The following DCAF6 variants were observed in gnomAD, a reference collection of about 807,000 sequenced individuals.
DCAF6 encodes the protein DDB1- and CUL4-associated factor 6.
In DCAF6, 54 loss-of-function variants were observed where a neutral mutation model predicts 125.1. That is an observed-to-expected ratio of 0.43 (90% CI 0.35 to 0.54). The LOEUF is 0.54. Ranked by LOEUF, DCAF6 falls within the 20% of genes least tolerant of loss-of-function variation. The pLI is 0.01. For synonymous variants in DCAF6, 371 were observed against 390.4 expected (o/e 0.95, Z 0.58); for missense variants, 934 against 1,161.7 (o/e 0.80, Z 2.85).
intron 4 of DCAF6, among the ~76,000 whole-genome samples, chr1:167,986,882 A>C (rs1475681980): frequency 6.6e-6 from 1 of 152,224 alleles, no homozygotes; most frequent in Non-Finnish European, 1.5e-5. Context: ...TTAGAAGTGG[A>C]TACAGGCATA....
At chr1:167,868,694 C>A in the DCAF6 span, among the ~76,000 whole-genome samples, 1 of 152,196 alleles carries the variant, frequency 6.6e-6, no homozygotes, top group South Asian at 2.1e-4. Flanking sequence ...AATAGGCGAA[C>A]TCCTGGGCTT....
chr1:167,886,272 G>A, the DCAF6 span, among the ~76,000 whole-genome samples: 3 of 152,224 alleles, frequency 2.0e-5, no homozygotes, highest in South Asian at 4.2e-4. Flanking sequence ...AAAGCTGGAG[G>A]CATCATGCTA....
At chr1:167,906,836 T>C in the DCAF6 span, among the ~76,000 whole-genome samples, 10 of 152,076 alleles carry the variant, frequency 6.6e-5, no homozygotes, top group South Asian at 2.1e-3. Context: ...GAAAATTGAA[T>C]GTCGAGAATG....
At chr1:168,032,901 G>T (rs1476668971) in intron 12 of DCAF6, among the ~76,000 whole-genome samples, 1 of 152,156 alleles carries the variant, frequency 6.6e-6, no homozygotes, top group Non-Finnish European at 1.5e-5. Flanking sequence ...ATATGAGATA[G>T]ATTCTCCAGG....
Position 167,993,587 on chromosome 1 carries a change from T to G in DCAF6, c.903+147T>G, listed in dbSNP as rs1681190457. ...CAACATGGAGAAACCCCGTCTTTACTAAAAACACAAAATTAGCTGAGCGTG... is the reference window on the plus strand; with the variant it reads ...CAACATGGAGAAACCCCGTCTTTACGAAAAACACAAAATTAGCTGAGCGTG... On this transcript the variant is annotated intron_variant, in intron 7 of 21. Transcript: ENST00000367840. 8 of 622,320 alleles carry G rather than the reference T, an allele frequency of 1.3e-5. No individual in the cohort carries two copies. In the East Asian group the frequency reaches 2.3e-4, roughly 18 times the overall value. The allele number at this position is 622,320 out of a possible 1,614,324, so 38.5% of individuals were successfully genotyped here.
chr1:168,042,927 A>G (rs778215695), intron 13 of DCAF6, 98 bp from the exon 14 acceptor site: 5 of 718,532 alleles, frequency 7.0e-6, no homozygotes, highest in Non-Finnish European at 1.2e-5. Flanking sequence ...TTACTTGTGA[A>G]TTTTTTGGTC....
At chr1:168,067,725 G>T (rs1480063990) in intron 20 of DCAF6, among the ~76,000 whole-genome samples, 2 of 152,188 alleles carry the variant, frequency 1.3e-5, no homozygotes, top group African/African-American at 4.8e-5. Flanking sequence ...GATCAGAGTA[G>T]CATCTTTCTC....
chr1:167,984,258 T>G (rs202238), intron 4 of DCAF6, among the ~76,000 whole-genome samples: 129 of 152,360 alleles, frequency 8.5e-4, no homozygotes, highest in African/African-American at 2.9e-3. Flanking sequence ...GTGCTTCTTC[T>G]GTAACATTCT....
At chr1:167,907,254 AAC>A in the DCAF6 span, among the ~76,000 whole-genome samples, 1 of 152,364 alleles carries the variant, frequency 6.6e-6, no homozygotes, top group East Asian at 1.9e-4. Flanking sequence ...GATCCCAGAA[AAC>A]ACAGACCAGT....
intron 21 of DCAF6, among the ~76,000 whole-genome samples, chr1:168,072,533 T>G (rs569021646): frequency 6.6e-6 from 1 of 152,234 alleles, no homozygotes; most frequent in Non-Finnish European, 1.5e-5. Context: ...ATCTTCCTCC[T>G]TAGAAAGTAA....
At chr1:168,028,626 A>G (rs1196343306) in intron 12 of DCAF6, among the ~76,000 whole-genome samples, 2 of 152,210 alleles carry the variant, frequency 1.3e-5, no homozygotes, top group Non-Finnish European at 2.9e-5. Flanking sequence ...TTTGTGAAAC[A>G]TTCATCTATA....
chr1:167,890,257 A>G, the DCAF6 span, among the ~76,000 whole-genome samples: 2 of 152,236 alleles, frequency 1.3e-5, no homozygotes, highest in Non-Finnish European at 2.9e-5. Context: ...AGCCATATCT[A>G]TATTACAGAG....
At chr1:168,047,465 A>T (rs2101820801) in intron 16 of DCAF6, among the ~76,000 whole-genome samples, 1 of 152,226 alleles carries the variant, frequency 6.6e-6, no homozygotes, top group Non-Finnish European at 1.5e-5. Flanking sequence ...CTGCTTTTTA[A>T]AAATTAAATA....
the DCAF6 span, among the ~76,000 whole-genome samples, chr1:167,918,962 T>C: frequency 6.6e-6 from 1 of 152,152 alleles, no homozygotes; most frequent in East Asian, 1.9e-4. Context: ...AATAAAAATA[T>C]TCTCATTCTG....
the DCAF6 span, among the ~76,000 whole-genome samples, chr1:167,919,146 AAGGTAAAATATACTT>A: frequency 1.3e-5 from 2 of 152,224 alleles, no homozygotes; most frequent in Admixed American, 1.3e-4. Flanking sequence ...TCTAACCACT[AAGGTAAAATATACTT>A]CTGTGATGCA....
At position 168,075,712 on chromosome 1, in the gene DCAF6, G is replaced by A; in HGVS notation, c.*277G>A. On this transcript the variant is annotated 3_prime_UTR_variant, in exon 22 of 22. Coordinates refer to ENST00000367840, the MANE Select transcript of DCAF6 (RefSeq NM_001198956.2). ...ATATTTTCCCTAACCTTCAAATGTG[G>A]GAGCTTGGATCAATGTTGAAGAATA... 3.4e-6 allele frequency: 1 copy of A among 295,308 alleles called. No homozygotes were observed. The highest frequency in any genetic ancestry group is 6.2e-6 in the Non-Finnish European group (1 of 161,546). 18.3% of individuals were successfully genotyped at this position (295,308 alleles called of 1,614,324 possible).
intron 21 of DCAF6, among the ~76,000 whole-genome samples, chr1:168,073,963 TATTGAATAC>T (rs1374425382): frequency 3.4e-5 from 5 of 148,508 alleles, no homozygotes; most frequent in African/African-American, 1.2e-4. Flanking sequence ...TATAAATATG[TATTGAATAC>T]ATATTTATAA....
the DCAF6 span, among the ~76,000 whole-genome samples, chr1:167,910,527 G>A: frequency 6.6e-6 from 1 of 152,182 alleles, no homozygotes; most frequent in African/African-American, 2.4e-5. Flanking sequence ...GTGGGACCCT[G>A]CAATCAAAGA....
chr1:167,993,853 A>C (rs891746452), intron 7 of DCAF6, among the ~76,000 whole-genome samples: 1 of 152,184 alleles, frequency 6.6e-6, no homozygotes, highest in Admixed American at 6.6e-5. Flanking sequence ...AAAAAAAAAA[A>C]TTAATTTTCA....
Sources: gnomAD v4.1 joint callset for allele counts (sites outside exome capture counted in the v4.1 genomes callset) on GRCh38, gnomAD v4.1.1 for gene constraint, MANE v1.5 for transcripts, NCBI Gene and HGNC (gene_info 2026-07-23, HGNC 2026-07-21) for gene names.